RXRG: variants seen among roughly 807,000 people sequenced by gnomAD.
RXRG encodes the protein retinoid X receptor gamma.
Under a neutral mutation model 49.2 loss-of-function variants are expected in RXRG, and 19 were observed. The ratio of observed to expected loss-of-function variants is 0.39; its 90% confidence interval spans 0.27 to 0.57. The LOEUF (loss-of-function observed/expected upper bound fraction) is 0.57. Among genes scored for constraint, RXRG ranks in the 20% least tolerant of loss-of-function variants. The probability of loss-of-function intolerance (pLI) is 0.64; values close to 1 mark genes in which losing one functional copy is unlikely to be tolerated. For synonymous variants in RXRG, 224 were observed against 216.6 expected, an observed-to-expected ratio of 1.03 and a Z score of -0.30; for missense variants, 452 against 592.5, an observed-to-expected ratio of 0.76 and a Z score of 2.46.
intron 3 of RXRG, 121 bp downstream of exon 3, chr1:165,419,749 G>C (rs1393233094): frequency 3.9e-6 from 3 of 768,288 alleles, no homozygotes; most frequent in Non-Finnish European, 5.9e-6. Context: ...GTATAGGTGG[G>C]TCCCCAGTTA....
chr1:165,427,293 A>G (rs2101733089), intron 2 of RXRG, among the ~76,000 whole-genome samples: 1 of 152,210 alleles, frequency 6.6e-6, no homozygotes, highest in African/African-American at 2.4e-5. Context: ...TGTTCCTAAT[A>G]CTTCACTCCT....
rs200482382 is a variant in RXRG, at chr1:165,428,683, A to G, written c.297+36T>C. 1.1e-4 allele frequency: 167 copies of G among 1,551,794 alleles called. No individual in the cohort carries two copies. The African/African-American group carries it at 2.2e-3, about 20-fold the overall frequency. The stretch of plus-strand genomic sequence containing the variant: ...AGCAGCCTGGGTGAAACCATGTAAG[A>G]TGGCTGGAAAGGCCTTGGAGAGGAA... On this transcript the variant is annotated intron_variant, in intron 2 of 9. Coordinates refer to ENST00000359842, the MANE Select transcript of RXRG (RefSeq NM_006917.5).
intron 9 of RXRG, among the ~76,000 whole-genome samples, chr1:165,405,797 G>A (rs1657725487): frequency 6.6e-6 from 1 of 152,184 alleles, no homozygotes; most frequent in Non-Finnish European, 1.5e-5. Flanking sequence ...ACTAGGCCCT[G>A]CCTATTCATT....
chr1:165,423,292 C>A (rs1658381809), intron 2 of RXRG, among the ~76,000 whole-genome samples: 1 of 152,198 alleles, frequency 6.6e-6, no homozygotes, highest in Non-Finnish European at 1.5e-5. Context: ...CACTTTAGAG[C>A]CGGGATTCAC....
At chr1:165,428,696 C>G (rs370244132) in intron 2 of RXRG, 23 bp downstream of exon 2, 25 of 1,565,584 alleles carry the variant, frequency 1.6e-5, no homozygotes, top group East Asian at 2.3e-5. Context: ...GCTGGAAAGG[C>G]CTTGGAGAGG....
intron 7 of RXRG, 64 bp downstream of exon 7, chr1:165,409,490 TATAC>T (rs1657866249): frequency 7.7e-6 from 9 of 1,166,276 alleles, no homozygotes; most frequent in African/African-American, 3.2e-5. Flanking sequence ...TACACATGTG[TATAC>T]ACACACACAC....
At chr1:165,429,010 G>A (rs1265239604) in intron 1 of RXRG, 44 bp from the exon 2 acceptor site, 3 of 1,588,258 alleles carry the variant, frequency 1.9e-6, no homozygotes, top group African/African-American at 1.3e-5. Context: ...GGGGAACATG[G>A]AAAGGGGCCC....
chr1:165,410,793 G>A lies in RXRG; in HGVS notation c.822C>T (p.Asp274=). ...DPVTNICHAA[D]KQLFTLVEWA... ...ATTCAACGAGGGTGAAAAGCTGCTT[G>A]TCAGCAGCATGACATATGTTGGTAA... Residue 274 remains aspartate (D), a synonymous_variant, in exon 6 of 10, where the codon GAC becomes GAT. Coordinates refer to ENST00000359842, the MANE Select transcript of RXRG (RefSeq NM_006917.5). 1 of 1,614,116 alleles carries A rather than the reference G, an allele frequency of 6.2e-7. No homozygotes were observed. The highest frequency in any genetic ancestry group is 8.5e-7 in the Non-Finnish European group (1 of 1,179,964).
At chr1:165,421,687 A>T (rs906582792) in intron 2 of RXRG, among the ~76,000 whole-genome samples, 2 of 151,920 alleles carry the variant, frequency 1.3e-5, no homozygotes, top group African/African-American at 4.8e-5. Context: ...ATGCCACGAC[A>T]CTTAGCTAAC....
At chr1:165,430,952 T>C (rs915773132) in intron 1 of RXRG, among the ~76,000 whole-genome samples, 2 of 152,196 alleles carry the variant, frequency 1.3e-5, no homozygotes, top group African/African-American at 4.8e-5. Flanking sequence ...TTCCTGGTGT[T>C]CCTGGTCTGG....
At chr1:165,423,946 G>A (rs1037996958) in intron 2 of RXRG, among the ~76,000 whole-genome samples, 86 of 152,172 alleles carry the variant, frequency 5.7e-4, no homozygotes, top group African/African-American at 2.0e-3. Context: ...TAATAATTCA[G>A]TTATCAATAA....
Position 165,445,085 on chromosome 1 carries a change from C to A in RXRG, c.-192G>T. 1.7e-6 allele frequency: 1 copy of A among 588,646 alleles called. No individual in the cohort carries two copies. The highest frequency in any genetic ancestry group is 3.0e-6 in the Non-Finnish European group (1 of 328,056). 36.5% of individuals were successfully genotyped at this position (588,646 alleles called of 1,614,324 possible). ...GGAATCTGCCTCTAGATCGGAGAGT[C>A]CACATAGTGCGTTTGAGACGGCTGT... On this transcript the variant is annotated 5_prime_UTR_variant, in exon 1 of 10. Transcript: ENST00000359842.
At chr1:165,405,324 A>G (rs1311487857) in intron 9 of RXRG, among the ~76,000 whole-genome samples, 1 of 152,214 alleles carries the variant, frequency 6.6e-6, no homozygotes, top group African/African-American at 2.4e-5. Flanking sequence ...AGGCCAAGCT[A>G]TTGCTGGCAG....
intron 4 of RXRG, 125 bp from the exon 5 acceptor site, chr1:165,411,234 G>A (rs940641253): frequency 9.0e-6 from 9 of 1,000,302 alleles, no homozygotes; most frequent in African/African-American, 3.2e-5. Flanking sequence ...CCTGAATTGG[G>A]GATGTTGGAA....
chr1:165,424,976 C>T (rs1658438609), intron 2 of RXRG: 6 of 985,230 alleles, frequency 6.1e-6, no homozygotes, highest in Non-Finnish European at 7.2e-6. Context: ...CTCAGGGTCT[C>T]AGGCTGCTGA....
At chr1:165,437,451 A>G (rs1001039057) in intron 1 of RXRG, among the ~76,000 whole-genome samples, 1 of 152,192 alleles carries the variant, frequency 6.6e-6, no homozygotes, top group African/African-American at 2.4e-5. Flanking sequence ...AGAACAGATA[A>G]TGTTCTGAAT....
intron 1 of RXRG, among the ~76,000 whole-genome samples, chr1:165,429,817 A>C (rs1340930824): frequency 6.6e-6 from 1 of 152,144 alleles, no homozygotes; most frequent in African/African-American, 2.4e-5. Context: ...CATCAGTATC[A>C]CTTTCTTCCA....
intron 3 of RXRG, among the ~76,000 whole-genome samples, chr1:165,417,840 C>T (rs1033852906): frequency 1.3e-5 from 2 of 152,066 alleles, no homozygotes; most frequent in South Asian, 2.1e-4. Context: ...TGGTGGCTCA[C>T]GCCTGTAATC....
chr1:165,408,937 C>T (rs1657846961), intron 7 of RXRG, among the ~76,000 whole-genome samples: 1 of 152,174 alleles, frequency 6.6e-6, no homozygotes, highest in Non-Finnish European at 1.5e-5. Flanking sequence ...TTTACCAGTT[C>T]TCCATCCTCT....
Sources: gnomAD v4.1 joint callset for allele counts (sites outside exome capture counted in the v4.1 genomes callset) on GRCh38, gnomAD v4.1.1 for gene constraint, MANE v1.5 for transcripts, NCBI Gene and HGNC (gene_info 2026-07-23, HGNC 2026-07-21) for gene names.